CENPP: variants seen among roughly 807,000 people sequenced by gnomAD.
CENPP encodes the protein centromere protein P.
A neutral mutation model predicts 35.6 loss-of-function variants in CENPP; 24 were observed. That is an observed-to-expected ratio of 0.67 (90% confidence interval 0.49 to 0.95). The LOEUF (loss-of-function observed/expected upper bound fraction) is 0.95. CENPP is among the 40% of genes least tolerant of loss of function. The pLI is 0.00. For synonymous variants in CENPP, 120 were observed against 125.5 expected (o/e 0.96, Z 0.29); for missense variants, 332 against 345.3 (o/e 0.96, Z 0.31).
intron 5 of CENPP, chr9:92,466,520 G>A (rs1336912371): frequency 6.2e-7 from 1 of 1,613,964 alleles, no homozygotes; most frequent in Admixed American, 1.7e-5. Flanking sequence ...TTTGTGGTTA[G>A]AAAGGCTTTT....
At chr9:92,467,118 G>A (rs1845343822) in intron 5 of CENPP, among the ~76,000 whole-genome samples, 3 of 152,174 alleles carry the variant, frequency 2.0e-5, no homozygotes, top group Admixed American at 1.3e-4. Context: ...ATATAGTAAT[G>A]GATCCTGAGA....
intron 5 of CENPP, among the ~76,000 whole-genome samples, chr9:92,555,103 C>T (rs1397537202): frequency 1.3e-5 from 2 of 151,336 alleles, no homozygotes; most frequent in Non-Finnish European, 2.9e-5. Context: ...GGGAGGGTTC[C>T]TTCTTTCTCT....
intron 5 of CENPP, among the ~76,000 whole-genome samples, chr9:92,546,342 A>C (rs924210915): frequency 3.3e-5 from 5 of 152,142 alleles, no homozygotes; most frequent in East Asian, 1.9e-4. Context: ...GTCCCCTTCC[A>C]CTGTGTGGAA....
In CENPP at chr9:92,614,329, CA is replaced by C. The variant is rs1851364035; in HGVS notation, c.*1182del. 6.6e-6 allele frequency: 1 copy of C among 152,380 alleles called. No homozygotes were observed. The highest frequency in any genetic ancestry group is 2.4e-5 in the African/African-American group (1 of 41,464). 9.4% of individuals were successfully genotyped at this position (152,380 alleles called of 1,614,324 possible). ...AACTCCCTTGGGTCAAGACAGTACT[CA>C]ACGGCCACTACCTCCACGCTTCCCA... On this transcript the variant is annotated 3_prime_UTR_variant, in exon 8 of 8. Transcript: ENST00000375587.
rs192937470 is a variant in CENPP, at chr9:92,419,916, C to G, written c.564+40057C>G. On this transcript the variant is annotated intron_variant, in intron 5 of 7. Transcript: ENST00000375587. ...AGAGAATAGTTACTTAAGTTATTTT[C>G]TTTGACAGAACCCCATTTGAGAAAG... Among the ~76,000 whole-genome samples the G allele has an allele frequency of 4.4e-3, 676 of 152,240 alleles. 4 individuals carry two copies. Among genetic ancestry groups the G allele is most frequent in the African/African-American group, 0.014 (585 of 41,558 alleles).
intron 5 of CENPP, among the ~76,000 whole-genome samples, chr9:92,570,468 G>C (rs1226769583): frequency 6.6e-6 from 1 of 152,188 alleles, no homozygotes; most frequent in Non-Finnish European, 1.5e-5. Context: ...TGTGCTGCTG[G>C]ATACGGTTTG....
At chr9:92,331,082 AT>A (rs1840731197) in intron 1 of CENPP, among the ~76,000 whole-genome samples, 1 of 152,174 alleles carries the variant, frequency 6.6e-6, no homozygotes, top group Admixed American at 6.5e-5. Flanking sequence ...GAGATTTGCT[AT>A]TTCTTTTTCC....
intron 5 of CENPP, among the ~76,000 whole-genome samples, chr9:92,455,736 G>T (rs1844854988): frequency 6.6e-6 from 1 of 152,134 alleles, no homozygotes; most frequent in African/African-American, 2.4e-5. Context: ...ATGGTGTATT[G>T]TTATTATTAT....
At chr9:92,523,897 C>T (rs140741126) in intron 5 of CENPP, among the ~76,000 whole-genome samples, 6,055 of 152,296 alleles carry the variant, frequency 0.04, 185 homozygotes, top group South Asian at 0.099. Flanking sequence ...CTTTCCACAA[C>T]TTATTGTCCC....
intron 5 of CENPP, among the ~76,000 whole-genome samples, chr9:92,610,006 A>T (rs375931175): frequency 2.5e-4 from 38 of 151,890 alleles, no homozygotes; most frequent in African/African-American, 8.4e-4. Context: ...CAAAATGCTG[A>T]GATTACAGGC....
At chr9:92,611,477 G>GT in intron 6 of CENPP, 84 bp downstream of exon 6, 1 of 1,054,662 alleles carries the variant, frequency 9.5e-7, no homozygotes, top group Non-Finnish European at 1.4e-6. Context: ...AGGATTCTAA[G>GT]TAGTAAACTA....
At chr9:92,584,624 G>A (rs532233318) in intron 5 of CENPP, among the ~76,000 whole-genome samples, 1 of 152,254 alleles carries the variant, frequency 6.6e-6, no homozygotes, top group East Asian at 1.9e-4. Flanking sequence ...ATGCCTGGCT[G>A]TAAGTTCGTT....
At chr9:92,602,916 G>A (rs151092651) in intron 5 of CENPP, among the ~76,000 whole-genome samples, 5,979 of 150,776 alleles carry the variant, frequency 0.04, 177 homozygotes, top group South Asian at 0.1. Flanking sequence ...TCAACCTCCC[G>A]AGTAGCTGGG....
At chr9:92,366,585 A>T (rs1240298733) in intron 4 of CENPP, among the ~76,000 whole-genome samples, 1 of 152,210 alleles carries the variant, frequency 6.6e-6, no homozygotes, top group Non-Finnish European at 1.5e-5. Flanking sequence ...TATGTGCCAG[A>T]TGCTTTCTTC....
intron 5 of CENPP, among the ~76,000 whole-genome samples, chr9:92,594,412 A>G (rs772709094): frequency 3.6e-4 from 55 of 152,214 alleles, no homozygotes; most frequent in Admixed American, 5.2e-4. Context: ...GGCGTGTCTG[A>G]GCCTTGTTTT....
chr9:92,372,097 A>ATGTTT, intron 4 of CENPP, among the ~76,000 whole-genome samples: 1 of 54,374 alleles, frequency 1.8e-5, no homozygotes, highest in South Asian at 6.5e-4. Flanking sequence ...CATGCCAGCC[A>ATGTTT]TCTTTTTTTT....
At chr9:92,426,609 G>A (rs566241012) in intron 5 of CENPP, among the ~76,000 whole-genome samples, 26 of 152,286 alleles carry the variant, frequency 1.7e-4, no homozygotes, top group African/African-American at 5.3e-4. Flanking sequence ...ATGGGGGTAC[G>A]GGTCAACAGT....
chr9:92,460,619 G>A, intron 5 of CENPP: 2 of 1,131,486 alleles, frequency 1.8e-6, no homozygotes, highest in Non-Finnish European at 2.6e-6. Flanking sequence ...AAGCCCAATT[G>A]ACTATTTGTT....
intron 5 of CENPP, among the ~76,000 whole-genome samples, chr9:92,584,188 C>T (rs932529475): frequency 8.5e-5 from 13 of 152,222 alleles, no homozygotes; most frequent in African/African-American, 3.1e-4. Flanking sequence ...ATACAAATTA[C>T]TTTCCAAACA....
Sources: allele counts gnomAD v4.1 joint callset (sites outside exome capture counted in the v4.1 genomes callset), GRCh38; gene constraint gnomAD v4.1.1; transcripts MANE v1.5; gene names NCBI Gene and HGNC (gene_info 2026-07-23, HGNC 2026-07-21).